Variants in TMEM178B observed in about 807,000 individuals in gnomAD.
TMEM178B encodes transmembrane protein 178B.
A neutral mutation model predicts 31.0 loss-of-function variants in TMEM178B; 5 were observed. The ratio of observed to expected loss-of-function variants is 0.16; its 90% CI spans 0.08 to 0.34. The LOEUF (loss-of-function observed/expected upper bound fraction) is 0.34, where lower values mean the gene tolerates loss of function less well. Ranked by LOEUF, TMEM178B falls within the 10% of genes least tolerant of loss-of-function variation. TMEM178B has a pLI of 1.00. For synonymous variants in TMEM178B, 164 were observed against 164.0 expected, an observed-to-expected ratio of 1.00 and a Z score of 0.00; for missense variants, 275 against 400.3, an observed-to-expected ratio of 0.69 and a Z score of 2.67.
intron 1 of TMEM178B, among the ~76,000 whole-genome samples, chr7:141,140,127 A>G (rs1412518486): frequency 1.3e-5 from 2 of 151,758 alleles, no homozygotes; most frequent in Non-Finnish European, 2.9e-5. Flanking sequence ...GCGCTTGCAT[A>G]CCCCCTCAGC....
At chr7:141,204,700 A>G (rs11762526) in intron 1 of TMEM178B, among the ~76,000 whole-genome samples, 11 of 152,216 alleles carry the variant, frequency 7.2e-5, no homozygotes, top group Non-Finnish European at 1.2e-4. Context: ...GCCATTACTC[A>G]ATTTACCTAG....
intron 2 of TMEM178B, among the ~76,000 whole-genome samples, chr7:141,386,482 C>G (rs1800432818): frequency 6.6e-6 from 1 of 152,126 alleles, no homozygotes; most frequent in East Asian, 1.9e-4. Flanking sequence ...TTTGTTTTCT[C>G]TGGACACGCT....
chr7:141,366,956 G>A (rs1430712311), intron 2 of TMEM178B, among the ~76,000 whole-genome samples: 1 of 152,064 alleles, frequency 6.6e-6, no homozygotes, highest in African/African-American at 2.4e-5. Context: ...GGAGACTGCT[G>A]ATGCTAAATT....
intron 2 of TMEM178B, among the ~76,000 whole-genome samples, chr7:141,374,279 T>A (rs1253931894): frequency 6.6e-6 from 1 of 152,178 alleles, no homozygotes; most frequent in Non-Finnish European, 1.5e-5. Context: ...TGGGAGAGAC[T>A]GTGACATCTC....
At chr7:141,316,598 TACAAC>T (rs1799009854) in intron 2 of TMEM178B, among the ~76,000 whole-genome samples, 1 of 152,038 alleles carries the variant, frequency 6.6e-6, no homozygotes, top group Non-Finnish European at 1.5e-5. Flanking sequence ...CATACACGAA[TACAAC>T]ACACATTTCC....
intron 2 of TMEM178B, among the ~76,000 whole-genome samples, chr7:141,405,622 A>G (rs1800871898): frequency 6.6e-6 from 1 of 152,134 alleles, no homozygotes; most frequent in African/African-American, 2.4e-5. Context: ...ATCATACACA[A>G]ACCAAACCCA....
Position 141,407,704 on chromosome 7 carries a change from G to A in TMEM178B, c.497-29904G>A, listed in dbSNP as rs191213533. 1.0e-3 allele frequency among the ~76,000 whole-genome samples: 154 copies of A among 152,304 alleles called. 4 individuals carry two copies. Among genetic ancestry groups the A allele is most frequent in the Admixed American group, 7.1e-3 (108 of 15,310 alleles). ...ACTTTCCTGTGTCACACACCTGGAA[G>A]CATTAGAGCCTATTGGAACCCAATC... On this transcript the variant is annotated intron_variant, in intron 2 of 3. Coordinates refer to ENST00000565468, the MANE Select transcript of TMEM178B (RefSeq NM_001195278.2).
chr7:141,453,094 G>A (rs1251666570), intron 3 of TMEM178B, among the ~76,000 whole-genome samples: 1 of 152,220 alleles, frequency 6.6e-6, no homozygotes, highest in African/African-American at 2.4e-5. Flanking sequence ...CTTTTTGAAT[G>A]ATCTTACCTA....
the TMEM178B span, among the ~76,000 whole-genome samples, chr7:141,486,850 C>T: frequency 5.3e-5 from 8 of 152,048 alleles, no homozygotes; most frequent in Non-Finnish European, 1.2e-4. Flanking sequence ...TAGTCAATAT[C>T]GTAATACGTT....
intron 1 of TMEM178B, among the ~76,000 whole-genome samples, chr7:141,153,507 A>G (rs775773154): frequency 1.3e-5 from 2 of 152,210 alleles, no homozygotes; most frequent in Non-Finnish European, 2.9e-5. Context: ...ATCAAAAGGC[A>G]TGTACATTTA....
the TMEM178B span, among the ~76,000 whole-genome samples, chr7:141,486,375 AC>A: frequency 6.6e-6 from 1 of 152,180 alleles, no homozygotes; most frequent in Non-Finnish European, 1.5e-5. Context: ...ACAATATTAC[AC>A]TTGTATCCCA....
intron 1 of TMEM178B, among the ~76,000 whole-genome samples, chr7:141,139,580 C>T (rs1298782114): frequency 6.6e-6 from 1 of 151,698 alleles, no homozygotes; most frequent in Non-Finnish European, 1.5e-5. Flanking sequence ...TGGGCTCAAG[C>T]GATCGTCTGC....
intron 1 of TMEM178B, among the ~76,000 whole-genome samples, chr7:141,081,108 T>G (rs801157): frequency 0.76 from 115,486 of 151,898 alleles, 45,136 homozygotes; most frequent in Non-Finnish European, 0.85. Context: ...CTTCAGGAGG[T>G]ATTCCAGAAG....
At chr7:141,502,535 G>A in the TMEM178B span, among the ~76,000 whole-genome samples, 4 of 152,198 alleles carry the variant, frequency 2.6e-5, no homozygotes, top group African/African-American at 7.2e-5. Flanking sequence ...ACTTTGGGAG[G>A]CAAAGGCAGC....
At chr7:141,106,396 G>T (rs1172803352) in intron 1 of TMEM178B, among the ~76,000 whole-genome samples, 1 of 152,144 alleles carries the variant, frequency 6.6e-6, no homozygotes, top group Non-Finnish European at 1.5e-5. Flanking sequence ...TTACAGAGAG[G>T]AACATAAAAT....
chr7:141,428,450 T>C (rs1801362707), intron 2 of TMEM178B, among the ~76,000 whole-genome samples: 1 of 148,196 alleles, frequency 6.7e-6, no homozygotes, highest in Admixed American at 6.7e-5. Flanking sequence ...CCCAATAAGA[T>C]CTCAGGAGTT....
intron 2 of TMEM178B, among the ~76,000 whole-genome samples, chr7:141,327,223 A>G (rs1049439838): frequency 1.3e-5 from 2 of 152,216 alleles, no homozygotes; most frequent in African/African-American, 4.8e-5. Context: ...GAAAAATCCC[A>G]TAATGGGAAA....
At chr7:141,381,613 G>A (rs1800316306) in intron 2 of TMEM178B, among the ~76,000 whole-genome samples, 1 of 152,080 alleles carries the variant, frequency 6.6e-6, no homozygotes, top group Admixed American at 6.5e-5. Context: ...ATATATTTAA[G>A]TGAATAAAAA....
chr7:141,391,398 T>G (rs1274494733), intron 2 of TMEM178B, among the ~76,000 whole-genome samples: 1 of 152,126 alleles, frequency 6.6e-6, no homozygotes, highest in Non-Finnish European at 1.5e-5. Context: ...TCTCCTGATC[T>G]CATTACCCGC....
Sources: gnomAD v4.1 joint callset for allele counts (sites outside exome capture counted in the v4.1 genomes callset) on GRCh38, gnomAD v4.1.1 for gene constraint, MANE v1.5 for transcripts, NCBI Gene and HGNC (gene_info 2026-07-23, HGNC 2026-07-21) for gene names.